The following XPO1 variants were observed in gnomAD, a reference collection of about 807,000 sequenced individuals.
XPO1 encodes exportin-1.
In XPO1, 5 loss-of-function variants were observed where a neutral mutation model predicts 133.3. The observed-to-expected ratio is 0.04, with a 90% CI of 0.02 to 0.08. The LOEUF is 0.08. Ranked by LOEUF, XPO1 falls within the 10% of genes least tolerant of loss-of-function variation. XPO1 has a pLI of 1.00. For synonymous variants in XPO1, 419 were observed against 408.2 expected, an observed-to-expected ratio of 1.03 and a Z score of -0.32; for missense variants, 506 against 1,267.5, an observed-to-expected ratio of 0.40 and a Z score of 9.12.
At chr2:61,528,449 A>G (rs1699003506) in intron 2 of XPO1, among the ~76,000 whole-genome samples, 1 of 151,998 alleles carries the variant, frequency 6.6e-6, no homozygotes, top group Non-Finnish European at 1.5e-5. Context: ...CCTGACCAAT[A>G]TGGCGAAACC....
chr2:61,535,255 C>G (rs1386763414), intron 1 of XPO1, among the ~76,000 whole-genome samples: 1 of 152,102 alleles, frequency 6.6e-6, no homozygotes, highest in Non-Finnish European at 1.5e-5. Context: ...TTTTGGGGGT[C>G]TAAGATGCCT....
intron 3 of XPO1, 180 bp downstream of exon 3, chr2:61,526,240 T>C (rs2104779699): frequency 1.4e-6 from 2 of 1,403,316 alleles, no homozygotes; most frequent in East Asian, 5.4e-5. Flanking sequence ...AAAACTTCAT[T>C]CATAATTCTT....
chr2:61,501,912 T>C, intron 6 of XPO1, 84 bp downstream of exon 6: 2 of 1,162,846 alleles, frequency 1.7e-6, no homozygotes, highest in Non-Finnish European at 1.2e-6. Flanking sequence ...AATATTAGTA[T>C]ACTTTATTTC....
chr2:61,521,336 T>C (rs1698679418), intron 4 of XPO1, among the ~76,000 whole-genome samples: 1 of 152,152 alleles, frequency 6.6e-6, no homozygotes, highest in South Asian at 2.1e-4. Flanking sequence ...TGAAGGACAA[T>C]ACTTAAAAGA....
intron 2 of XPO1, among the ~76,000 whole-genome samples, chr2:61,529,624 T>C (rs1407573249): frequency 6.7e-6 from 1 of 150,272 alleles, no homozygotes; most frequent in Admixed American, 6.7e-5. Context: ...ATCACACCAC[T>C]GCACTCCAGC....
chr2:61,508,409 T>C (rs937828917), intron 4 of XPO1, among the ~76,000 whole-genome samples: 3 of 152,194 alleles, frequency 2.0e-5, no homozygotes, highest in Non-Finnish European at 4.4e-5. Flanking sequence ...TCCAGCTCTA[T>C]TGCTCAATAT....
intron 24 of XPO1, 143 bp from the exon 25 acceptor site, chr2:61,479,109 GAC>G (rs1696199588): frequency 1.1e-6 from 1 of 918,616 alleles, no homozygotes; most frequent in Non-Finnish European, 1.6e-6. Context: ...ATAGGATAGT[GAC>G]ACAGTATACT....
intron 4 of XPO1, among the ~76,000 whole-genome samples, chr2:61,509,999 G>A (rs1698009481): frequency 6.6e-6 from 1 of 152,052 alleles, no homozygotes; most frequent in South Asian, 2.1e-4. Context: ...ATCAAAATTG[G>A]CTGGATGTGG....
At chr2:61,517,749 TTCACAGTGAGACTCTA>T (rs1698463173) in intron 4 of XPO1, among the ~76,000 whole-genome samples, 1 of 152,028 alleles carries the variant, frequency 6.6e-6, no homozygotes, top group Non-Finnish European at 1.5e-5. Context: ...CAGCCTGGGC[TTCACAGTGAGACTCTA>T]TCTCTAAAAA....
At chr2:61,479,026 TC>T (rs1161052654) in intron 24 of XPO1, 60 bp from the exon 25 acceptor site, 48 of 1,572,640 alleles carry the variant, frequency 3.1e-5, no homozygotes, top group Non-Finnish European at 4.1e-5. Context: ...AAGAAAGAAA[TC>T]ATAGATGAGC....
intron 6 of XPO1, 93 bp downstream of exon 6, chr2:61,501,903 A>G: frequency 9.2e-7 from 1 of 1,081,602 alleles, no homozygotes. Flanking sequence ...CTTCTGCAAA[A>G]TATTAGTATA....
intron 2 of XPO1, among the ~76,000 whole-genome samples, chr2:61,530,031 T>A (rs1223165363): frequency 1.3e-5 from 2 of 152,250 alleles, no homozygotes; most frequent in Non-Finnish European, 2.9e-5. Flanking sequence ...AATAATGATG[T>A]GGCTTATCTA....
At chr2:61,504,397 T>C (rs1216375380) in intron 4 of XPO1, among the ~76,000 whole-genome samples, 5 of 152,296 alleles carry the variant, frequency 3.3e-5, no homozygotes, top group African/African-American at 1.2e-4. Context: ...TACACCTATA[T>C]TGAAACACTA....
At chr2:61,488,090 C>A in intron 19 of XPO1, 75 bp downstream of exon 19, 1 of 1,310,422 alleles carries the variant, frequency 7.6e-7, no homozygotes. Flanking sequence ...GCAAAATGCA[C>A]ATAATAGAGT....
intron 4 of XPO1, among the ~76,000 whole-genome samples, chr2:61,509,120 C>T (rs564052910): frequency 2.2e-4 from 33 of 152,122 alleles, no homozygotes; most frequent in African/African-American, 7.0e-4. Flanking sequence ...CCTGCCTCAG[C>T]CTCCCAGAGT....
chr2:61,486,095 A>C, intron 19 of XPO1, 133 bp from the exon 20 acceptor site: 3 of 826,352 alleles, frequency 3.6e-6, no homozygotes, highest in Non-Finnish European at 5.4e-6. Context: ...TGTTTGTATT[A>C]GGGTTTCCTA....
In XPO1 at chr2:61,502,316, A is replaced by G; in HGVS notation, c.302-6T>C. On this transcript the variant is annotated splice_region_variant and splice_polypyrimidine_tract_variant and intron_variant, in intron 4 of 24. Coordinates refer to ENST00000401558, the MANE Select transcript of XPO1 (RefSeq NM_003400.4). ...AACAACGTATTTTTTTATTCCTATT[A>G]AAAAAATTGCACGTAATAAAAAAAT... 1 of 1,610,228 alleles carries G rather than the reference A, an allele frequency of 6.2e-7. No homozygotes were observed.
chr2:61,518,407 C>A (rs1165670653), intron 4 of XPO1, among the ~76,000 whole-genome samples: 31 of 139,320 alleles, frequency 2.2e-4, no homozygotes, highest in Admixed American at 1.4e-3. Flanking sequence ...AAACAAAAAA[C>A]AAAAAACAAA....
intron 4 of XPO1, among the ~76,000 whole-genome samples, chr2:61,519,685 C>A (rs1445113976): frequency 3.1e-5 from 3 of 97,336 alleles, no homozygotes; most frequent in African/African-American, 8.5e-5. Flanking sequence ...GGCAACAGAG[C>A]AAGACTCCGT....
Sources: gnomAD v4.1 joint callset for allele counts (sites outside exome capture counted in the v4.1 genomes callset) on GRCh38, gnomAD v4.1.1 for gene constraint, MANE v1.5 for transcripts, NCBI Gene and HGNC (gene_info 2026-07-23, HGNC 2026-07-21) for gene names.